SYMPK: variants seen among roughly 807,000 people sequenced by gnomAD.
SYMPK encodes the protein symplekin.
In SYMPK, 49 loss-of-function variants were observed where a neutral mutation model predicts 136.4. The observed-to-expected ratio is 0.36, with a 90% CI of 0.29 to 0.46. The LOEUF (loss-of-function observed/expected upper bound fraction) is 0.46. Ranked by LOEUF, SYMPK falls within the 20% of genes least tolerant of loss-of-function variation. SYMPK has a pLI of 1.00. For missense variants in SYMPK, 1,365 were observed against 1,690.0 expected, an observed-to-expected ratio of 0.81 and a Z score of 3.37; for synonymous variants, 766 against 713.0, an observed-to-expected ratio of 1.07 and a Z score of -1.19.
In SYMPK at chr19:45,854,465, G is replaced by A. The variant is rs201272896; in HGVS notation, c.31C>T (p.Arg11Cys). Reference sequence around the variant, plus strand: ...AAAAACTGTGATGCCACGCTCCGACGGGTGACGCTGTCTCCACTGCCGCTC... The same window carrying A: ...AAAAACTGTGATGCCACGCTCCGACAGGTGACGCTGTCTCCACTGCCGCTC... MASGSGDSVT[R>C]RSVASQFFTQ... The change falls in exon 2 of 27, where the codon CGT becomes TGT. Residue 11 changes from arginine to cysteine, a missense_variant. Arg to Cys is a radical substitution (Grantham distance 180). Around this residue, in one of 11 missense-constraint regions of SYMPK, gnomAD observed 61 missense variants for 80.7 expected, o/e 0.76. Transcript: ENST00000245934. 51 of 1,613,920 alleles carry A rather than the reference G, an allele frequency of 3.2e-5. No homozygotes were observed. The highest frequency in any genetic ancestry group is 8.0e-5 in the African/African-American group (6 of 74,920).
intron 1 of SYMPK, among the ~76,000 whole-genome samples, chr19:45,861,037 CGTAA>C (rs1211407364): frequency 6.6e-6 from 1 of 152,182 alleles, no homozygotes; most frequent in Non-Finnish European, 1.5e-5. Context: ...GGTCTGTTTA[CGTAA>C]GCCAAGGATC....
chr19:45,817,038 T>G lies in SYMPK; in HGVS notation c.3082-64A>C, dbSNP rs988768214. 4 of 1,492,286 alleles carry G rather than the reference T, an allele frequency of 2.7e-6. No individual in the cohort carries two copies. In the Admixed American group the frequency reaches 7.0e-5, roughly 26 times the overall value. The allele number at this position is 1,492,286 out of a possible 1,614,324, so 92.4% of individuals were successfully genotyped here. On this transcript the variant is annotated intron_variant, in intron 23 of 26. Coordinates refer to ENST00000245934, the MANE Select transcript of SYMPK (RefSeq NM_004819.3). ...CAGGCATCCCCCCGAGCCTTGACAC[T>G]GGGAGAAAGACCTTGCCAAGACCAT...
Position 45,861,355 on chromosome 19 carries a change from TCTC to T in SYMPK, c.-13+1700_-13+1702del, listed in dbSNP as rs1463381570. Among the ~76,000 whole-genome samples, 6 of 151,524 alleles carry T rather than the reference TCTC, an allele frequency of 4.0e-5. No homozygotes were observed. In the East Asian group the frequency reaches 1.2e-3, roughly 29 times the overall value. Reference sequence around the variant, plus strand: ...TTTTTTAAACACACATACACAAAATTCTCCTGCAGGAGCTAGATTTTATGCAAA... The same window carrying T: ...TTTTTTAAACACACATACACAAAATTCTGCAGGAGCTAGATTTTATGCAAA... On this transcript the variant is annotated intron_variant, in intron 1 of 26. Transcript: ENST00000245934.
In SYMPK at chr19:45,816,912, C is replaced by T. The variant is rs1026094192; in HGVS notation, c.3144G>A (p.Gln1048=). 2.6e-6 allele frequency: 4 copies of T among 1,556,854 alleles called. No homozygotes were observed. The highest frequency in any genetic ancestry group is 3.5e-6 in the Non-Finnish European group (4 of 1,150,278). The part of the protein sequence containing the change: ...FIKCCQRTKP[Q]SFQVILQLPP... The stretch of plus-strand genomic sequence containing the variant: ...GCAGCTGCAGGATGACCTGGAAGCT[C>T]TGGGGCTTTGTGCGCTGGCAGCACT... The change falls in exon 24 of 27, where the codon CAG becomes CAA. Residue 1048 remains glutamine (Q), a synonymous_variant. Transcript: ENST00000245934.
chr19:45,831,554 G>A lies in SYMPK; in HGVS notation c.1428C>T (p.Pro476=). 6.2e-7 allele frequency: 1 copy of A among 1,610,390 alleles called. No individual in the cohort carries two copies. The highest frequency in any genetic ancestry group is 8.5e-7 in the Non-Finnish European group (1 of 1,178,618). Residue 476 remains proline, a synonymous_variant, in exon 12 of 27, where the codon CCC becomes CCT. Coordinates refer to ENST00000245934, the MANE Select transcript of SYMPK (RefSeq NM_004819.3). ...VEQTKQCKEE[P]KEEKVVKTES... is the part of the protein sequence containing the mutation. ...CTGTCTTCACCACCTTCTCCTCCTT[G>A]GGCTCCTCCTTGCACTGTTTGGTCT...
At chr19:45,817,479 G>C (rs1342127965) in intron 23 of SYMPK, among the ~76,000 whole-genome samples, 5 of 143,366 alleles carry the variant, frequency 3.5e-5, no homozygotes, top group Non-Finnish European at 6.0e-5. Context: ...CCAGGCTAGA[G>C]TGCAGTGAGT....
intron 9 of SYMPK, 67 bp from the exon 10 acceptor site, chr19:45,838,682 G>T: frequency 1.3e-6 from 2 of 1,527,374 alleles, no homozygotes; most frequent in Non-Finnish European, 8.8e-7. Flanking sequence ...TCCTTCCGGG[G>T]TGCCCGGGTG....
At chr19:45,852,559 A>C (rs1301849783) in intron 3 of SYMPK, 24 bp from the exon 4 acceptor site, 2 of 1,613,732 alleles carry the variant, frequency 1.2e-6, no homozygotes, top group African/African-American at 2.7e-5. Context: ...GGGGGTGGGG[A>C]GGAGGAATAC....
intron 6 of SYMPK, among the ~76,000 whole-genome samples, chr19:45,848,459 T>G (rs1041369110): frequency 2.6e-5 from 4 of 152,228 alleles, no homozygotes; most frequent in Admixed American, 6.5e-5. Context: ...TAAGCTGTCT[T>G]GGTCACTGCT....
rs538400292 is a variant in SYMPK, at chr19:45,816,791, G to A, written c.3258+7C>T. On this transcript the variant is annotated splice_region_variant and intron_variant, in intron 24 of 26. Coordinates refer to ENST00000245934, the MANE Select transcript of SYMPK (RefSeq NM_004819.3). ...GGGAAAGGGTACCTGGTGGGGGGAA[G>A]GGGTACCTGGTGGGGGGTGAAGGAG... is the stretch of plus-strand genomic sequence containing the variant. 101 of 1,523,074 alleles carry A rather than the reference G, an allele frequency of 6.6e-5. 1 individual carries two copies. In the South Asian group the frequency reaches 1.1e-3, roughly 16 times the overall value. The allele number at this position is 1,523,074 out of a possible 1,614,324, so 94.3% of individuals were successfully genotyped here.
chr19:45,841,873 G>A (rs1219374062), intron 9 of SYMPK, among the ~76,000 whole-genome samples: 1 of 151,194 alleles, frequency 6.6e-6, no homozygotes, highest in Non-Finnish European at 1.5e-5. Flanking sequence ...GGGATAAGAG[G>A]GATACTATTT....
intron 5 of SYMPK, among the ~76,000 whole-genome samples, chr19:45,851,906 A>G (rs1194792258): frequency 1.3e-5 from 2 of 152,224 alleles, no homozygotes; most frequent in East Asian, 1.9e-4. Flanking sequence ...AAGATTAAAA[A>G]AAAAAGCTAA....
intron 1 of SYMPK, among the ~76,000 whole-genome samples, chr19:45,859,065 C>T (rs1971899673): frequency 6.6e-6 from 1 of 152,088 alleles, no homozygotes; most frequent in East Asian, 1.9e-4. Context: ...TCAGCCATCG[C>T]CCCCGGCCTA....
chr19:45,816,626 AC>A, intron 24 of SYMPK, 49 bp from the exon 25 acceptor site: 1 of 1,610,174 alleles, frequency 6.2e-7, no homozygotes, highest in Non-Finnish European at 8.5e-7. Context: ...TGGCACAGAG[AC>A]CCCATTTGCA....
intron 12 of SYMPK, 139 bp from the exon 13 acceptor site, chr19:45,830,343 T>A: frequency 2.1e-6 from 2 of 969,084 alleles, no homozygotes; most frequent in South Asian, 1.6e-5. Flanking sequence ...TTCCTCTGTG[T>A]CTCTGAGGCA....
chr19:45,843,704 T>C (rs1376508117), intron 8 of SYMPK, among the ~76,000 whole-genome samples: 1 of 151,908 alleles, frequency 6.6e-6, no homozygotes, highest in Admixed American at 6.6e-5. Context: ...CCCAGCACTT[T>C]AGGAGGCCGA....
intron 14 of SYMPK, chr19:45,828,254 G>C (rs909803083): frequency 9.7e-6 from 3 of 310,468 alleles, no homozygotes; most frequent in African/African-American, 6.6e-5. Context: ...AGGCCGCTTT[G>C]AAGTTACAGT....
intron 6 of SYMPK, among the ~76,000 whole-genome samples, chr19:45,848,320 G>A (rs546550005): frequency 2.0e-5 from 3 of 152,298 alleles, no homozygotes; most frequent in South Asian, 2.1e-4. Context: ...GGATTCATTC[G>A]TTTTATTAAT....
At chr19:45,860,512 G>A (rs191000671) in intron 1 of SYMPK, among the ~76,000 whole-genome samples, 10 of 148,448 alleles carry the variant, frequency 6.7e-5, no homozygotes, top group Admixed American at 4.7e-4. Context: ...GAAAGAGAAA[G>A]AGAGAGAGAG....
Sources: gnomAD v4.1 joint callset for allele counts (sites outside exome capture counted in the v4.1 genomes callset) on GRCh38, gnomAD v4.1.1 for gene constraint, gnomAD v4.1.1 regional missense constraint, MANE v1.5 for transcripts, NCBI Gene and HGNC (gene_info 2026-07-23, HGNC 2026-07-21) for gene names.